Variants in ARNT2 observed in about 807,000 individuals in gnomAD.
ARNT2 encodes ARNT protein 2.
ARNT2 carries 36 observed loss-of-function variants against 91.7 expected under a neutral mutation model. That is an observed-to-expected ratio of 0.39 (90% confidence interval 0.30 to 0.52). The LOEUF (loss-of-function observed/expected upper bound fraction) is 0.52, where lower values mean the gene tolerates loss of function less well. Ranked by LOEUF, ARNT2 falls within the 20% of genes least tolerant of loss-of-function variation. The pLI, the probability that ARNT2 is intolerant of heterozygous loss-of-function variation, is 0.72. For synonymous variants in ARNT2, 365 were observed against 347.1 expected, an observed-to-expected ratio of 1.05 and a Z score of -0.57; for missense variants, 775 against 939.3, an observed-to-expected ratio of 0.83 and a Z score of 2.29.
At chr15:80,413,164 G>A (rs1257577763) in intron 1 of ARNT2, among the ~76,000 whole-genome samples, 3 of 152,256 alleles carry the variant, frequency 2.0e-5, no homozygotes, top group Non-Finnish European at 2.9e-5. Context: ...GAGAGCCTCT[G>A]ATGGCCTCAG....
chr15:80,591,729 T>C lies in ARNT2; in HGVS notation c.2055+25T>C. ...GGTAAATCGAGCGAGCACCGCCTTC[T>C]CGTAGGTACCGGCGCCTTCTCTCTG... On this transcript the variant is annotated intron_variant, in intron 18 of 18. Coordinates refer to ENST00000303329, the MANE Select transcript of ARNT2 (RefSeq NM_014862.4). The surrounding 1 kb of genome is among the most constrained non-coding windows in gnomAD (Gnocchi z 5.1). 6.2e-7 allele frequency: 1 copy of C among 1,613,194 alleles called. No homozygotes were observed. The highest frequency in any genetic ancestry group is 1.1e-5 in the South Asian group (1 of 91,056).
At chr15:80,466,645 A>C (rs1896658921) in intron 3 of ARNT2, among the ~76,000 whole-genome samples, 1 of 152,176 alleles carries the variant, frequency 6.6e-6, no homozygotes, top group Non-Finnish European at 1.5e-5. Flanking sequence ...CTGTGTTCCC[A>C]AGATGGCATC....
At position 80,496,534 on chromosome 15, in the gene ARNT2, C is replaced by T. The variant is rs549655129; in HGVS notation, c.623-11622C>T. ...AAGTGGATAAATAGTTCTGAACTTG[C>T]CAGTGGGATACATGTAGCCTGCCAT... On this transcript the variant is annotated intron_variant, in intron 5 of 18. Transcript: ENST00000303329. Among the ~76,000 whole-genome samples the T allele has an allele frequency of 2.4e-4, 37 of 152,292 alleles. No homozygotes were observed. The South Asian group carries it at 7.5e-3, about 31-fold the overall frequency.
intron 12 of ARNT2, among the ~76,000 whole-genome samples, chr15:80,566,998 G>A (rs1365276992): frequency 2.6e-5 from 4 of 152,182 alleles, no homozygotes; most frequent in African/African-American, 9.7e-5. Flanking sequence ...CATGGGAAAA[G>A]GGTGGTTCTT....
chr15:80,471,360 G>C (rs969313602), intron 4 of ARNT2, among the ~76,000 whole-genome samples: 2 of 152,188 alleles, frequency 1.3e-5, no homozygotes, highest in Non-Finnish European at 2.9e-5. Context: ...GGGAACAACA[G>C]ACATTGGAGC....
chr15:80,521,692 A>T (rs1468146670), intron 8 of ARNT2, among the ~76,000 whole-genome samples: 2 of 152,320 alleles, frequency 1.3e-5, no homozygotes, highest in East Asian at 3.9e-4. Flanking sequence ...CGCCAATGCC[A>T]TCTTCATGCT....
At position 80,460,355 on chromosome 15, in the gene ARNT2, A is replaced by G. The variant is rs527751046; in HGVS notation, c.194+2379A>G. On this transcript the variant is annotated intron_variant, in intron 3 of 18. Transcript: ENST00000303329. ...ATTATAGGAATTTGATATGGTTCCT[A>G]CTTTAGCACAGCCAGGCCCATCACA... 3.9e-5 allele frequency among the ~76,000 whole-genome samples: 6 copies of G among 152,334 alleles called. No individual in the cohort carries two copies. The South Asian group carries it at 1.0e-3, about 26-fold the overall frequency.
In ARNT2 at chr15:80,596,945, G is replaced by C; in HGVS notation, c.*3247G>C. 1 of 353,082 alleles carries C rather than the reference G, an allele frequency of 2.8e-6. No individual in the cohort carries two copies. Among genetic ancestry groups the C allele is most frequent in the Non-Finnish European group, 5.6e-6 (1 of 178,878 alleles). The allele number at this position is 353,082 out of a possible 1,614,324, so 21.9% of individuals were successfully genotyped here. A position where few individuals can be genotyped will look rare whatever the true frequency, so the allele number is the denominator to read the frequency against. ...CCCCCCAGTTTTATTTTTAGCTTTG[G>C]CTTCAGGGAGTGACAGCCATCACAA... is the stretch of plus-strand genomic sequence containing the variant. On this transcript the variant is annotated 3_prime_UTR_variant, in exon 19 of 19. Transcript: ENST00000303329.
rs1205339854 is a variant in ARNT2 at position 80,508,138 on chromosome 15, T to C, written c.623-18T>C. ...CCGAAGGCAGAGGCTTACGTAACTG[T>C]CCTTCTCTCTCTCTTAGGCCGGATC... On this transcript the variant is annotated intron_variant, in intron 5 of 18. Transcript: ENST00000303329. 1.9e-6 allele frequency: 3 copies of C among 1,612,992 alleles called. No individual in the cohort carries two copies. Among genetic ancestry groups the C allele is most frequent in the East Asian group, 2.2e-5 (1 of 44,878 alleles).
At chr15:80,543,167 G>GT (rs1897939588) in intron 8 of ARNT2, among the ~76,000 whole-genome samples, 1 of 148,292 alleles carries the variant, frequency 6.7e-6, no homozygotes, top group African/African-American at 2.5e-5. Context: ...ACAAACATAT[G>GT]TTTACCAGCA....
At chr15:80,411,731 C>T (rs1184357139) in intron 1 of ARNT2, among the ~76,000 whole-genome samples, 3 of 152,072 alleles carry the variant, frequency 2.0e-5, no homozygotes, top group African/African-American at 4.8e-5. Context: ...CTTAGAGAGG[C>T]TCAGAGACTT....
chr15:80,460,526 G>A (rs1896537442), intron 3 of ARNT2, among the ~76,000 whole-genome samples: 1 of 152,176 alleles, frequency 6.6e-6, no homozygotes, highest in Non-Finnish European at 1.5e-5. Flanking sequence ...ATGTTCTCAG[G>A]CCCGCTCCAC....
At chr15:80,500,982 G>A (rs566913228) in intron 5 of ARNT2, among the ~76,000 whole-genome samples, 1 of 152,164 alleles carries the variant, frequency 6.6e-6, no homozygotes, top group African/African-American at 2.4e-5. Flanking sequence ...TTTGAGGTAA[G>A]GTGGTCATAA....
chr15:80,405,996 AAACATTCT>A (rs1225155551), intron 1 of ARNT2, among the ~76,000 whole-genome samples: 4 of 152,182 alleles, frequency 2.6e-5, no homozygotes, highest in African/African-American at 9.7e-5. Context: ...TATGTCTAGG[AAACATTCT>A]AAGGAGGGAA....
intron 1 of ARNT2, among the ~76,000 whole-genome samples, chr15:80,406,332 T>C (rs1456777887): frequency 6.6e-6 from 1 of 152,222 alleles, no homozygotes; most frequent in Non-Finnish European, 1.5e-5. Context: ...GTGGCTGGTC[T>C]GAAAACAAAT....
rs1898101561 is a variant in ARNT2, at chr15:80,552,630, C to T, written c.955-10C>T. On this transcript the variant is annotated splice_polypyrimidine_tract_variant and intron_variant, in intron 9 of 18. Coordinates refer to ENST00000303329, the MANE Select transcript of ARNT2 (RefSeq NM_014862.4). ...AACACCACCTCAACTGTGGATTTTC[C>T]CCATCCCAGGTGACCAGCTCTCCTG... 12 of 1,612,870 alleles carry T rather than the reference C, an allele frequency of 7.4e-6. No individual in the cohort carries two copies. The South Asian group carries it at 7.7e-5, about 10-fold the overall frequency.
At position 80,552,652 on chromosome 15, in the gene ARNT2, C is replaced by T. The variant is rs766448431; in HGVS notation, c.967C>T (p.Pro323Ser). ...AIGRLQVTSS[P>S]VCMDMNGMSV... ...TTCCCCATCCCAGGTGACCAGCTCT[C>T]CTGTATGCATGGACATGAATGGGAT... Residue 323 changes from proline (P) to serine (S), a missense_variant, in exon 10 of 19, where the codon CCT (proline) becomes TCT (serine). Pro to Ser is a moderately conservative substitution (Grantham distance 74). Transcript: ENST00000303329. 6.2e-7 allele frequency: 1 copy of T among 1,614,110 alleles called. No homozygotes were observed. The highest frequency in any genetic ancestry group is 8.5e-7 in the Non-Finnish European group (1 of 1,179,990).
rs137911186 is a variant in ARNT2 at position 80,492,825 on chromosome 15, T to G, written c.623-15331T>G. 3.8e-4 allele frequency among the ~76,000 whole-genome samples: 58 copies of G among 152,344 alleles called. 1 individual carries two copies. The East Asian group carries it at 0.011, about 28-fold the overall frequency. On this transcript the variant is annotated intron_variant, in intron 5 of 18. Coordinates refer to ENST00000303329, the MANE Select transcript of ARNT2 (RefSeq NM_014862.4). Reference sequence around the variant, plus strand: ...GGTATTCATTTCTGAAATCATGTTTTTCATCTAAAAGCAATCTTTCTTGGT... The same window carrying G: ...GGTATTCATTTCTGAAATCATGTTTGTCATCTAAAAGCAATCTTTCTTGGT...
chr15:80,597,246 G>A lies in ARNT2; in HGVS notation c.*3548G>A, dbSNP rs1893388588. On this transcript the variant is annotated 3_prime_UTR_variant, in exon 19 of 19. Coordinates refer to ENST00000303329, the MANE Select transcript of ARNT2 (RefSeq NM_014862.4). ...CGGCAGCACTTTAGGCAGCCCATAAGCTATGCGAGAATGTGAACGCTCACC... is the reference window on the plus strand; with the variant it reads ...CGGCAGCACTTTAGGCAGCCCATAAACTATGCGAGAATGTGAACGCTCACC... 1.9e-6 allele frequency: 1 copy of A among 518,320 alleles called. No individual in the cohort carries two copies. Among genetic ancestry groups the A allele is most frequent in the South Asian group, 1.4e-5 (1 of 71,434 alleles). 32.1% of individuals were successfully genotyped at this position (518,320 alleles called of 1,614,324 possible).
Sources: gnomAD v4.1 joint callset for allele counts (sites outside exome capture counted in the v4.1 genomes callset) on GRCh38, gnomAD v4.1.1 for gene constraint, Gnocchi (gnomAD v3.1) non-coding constraint, MANE v1.5 for transcripts, NCBI Gene and HGNC (gene_info 2026-07-23, HGNC 2026-07-21) for gene names.